SNRPN: variants seen among roughly 807,000 people sequenced by gnomAD.
SNRPN encodes small nuclear ribonucleoprotein-associated protein N.
SNRPN carries 7 observed loss-of-function variants against 25.2 expected under a neutral mutation model. That is an observed-to-expected ratio of 0.28 (90% CI 0.16 to 0.52). The LOEUF is 0.52. Ranked by LOEUF, SNRPN falls within the 20% of genes least tolerant of loss-of-function variation. SNRPN has a pLI of 0.96. For synonymous variants in SNRPN, 124 were observed against 110.6 expected, an observed-to-expected ratio of 1.12 and a Z score of -0.76; for missense variants, 196 against 322.5, an observed-to-expected ratio of 0.61 and a Z score of 3.00.
In SNRPN at chr15:24,842,984, G is replaced by A. The variant is rs76787051; in HGVS notation, c.-579+13079G>A. Among the ~76,000 whole-genome samples the A allele has an allele frequency of 3.5e-3, 539 of 152,136 alleles. 22 individuals are homozygous for A. In the East Asian group the frequency reaches 0.081, roughly 23 times the overall value. ...TATGTAATCTTTCAGTAACACTTTC[G>A]AGATATGTCATGTTTACTGTATCAA... On this transcript the variant is annotated intron_variant, in intron 2 of 12. Coordinates refer to the SNRPN transcript ENST00000400100.
chr15:24,946,632 G>C (rs1246332663), intron 3 of SNRPN, among the ~76,000 whole-genome samples: 1 of 152,066 alleles, frequency 6.6e-6, no homozygotes, highest in Non-Finnish European at 1.5e-5. Context: ...ACCATGCCCA[G>C]CTAATTTTTG....
intron 2 of SNRPN, among the ~76,000 whole-genome samples, chr15:24,962,428 G>A (rs186545162): frequency 2.0e-4 from 30 of 152,056 alleles, no homozygotes; most frequent in African/African-American, 6.7e-4. Context: ...TTTCCTATAC[G>A]TGGGTAAGTG....
intron 1 of SNRPN, among the ~76,000 whole-genome samples, chr15:24,865,640 C>T (rs1245264240): frequency 1.3e-5 from 2 of 152,126 alleles, no homozygotes; most frequent in African/African-American, 4.8e-5. Flanking sequence ...AAAGATAAAC[C>T]TCCTGTCAGT....
upstream of SNRPN, chr15:24,954,954 T>G: frequency 6.4e-7 from 1 of 1,570,794 alleles, no homozygotes. Context: ...CGGGGATGTG[T>G]GCGAAGCCTG....
intron 1 of SNRPN, among the ~76,000 whole-genome samples, chr15:24,957,539 G>C (rs1366341878): frequency 6.6e-6 from 1 of 152,094 alleles, no homozygotes; most frequent in African/African-American, 2.4e-5. Context: ...GTCTTCCTTT[G>C]CAGGATTTTC....
intron 1 of SNRPN, among the ~76,000 whole-genome samples, chr15:24,826,604 A>G (rs1025962409): frequency 6.6e-6 from 1 of 152,146 alleles, no homozygotes; most frequent in African/African-American, 2.4e-5. Context: ...TCTAGTTGGC[A>G]ATACAAAGGA....
In SNRPN at chr15:24,939,704, A is replaced by G. The variant is rs531945134; in HGVS notation, c.-391+19580A>G. Among the ~76,000 whole-genome samples the G allele has an allele frequency of 1.1e-4, 16 of 149,702 alleles. No individual in the cohort carries two copies. The South Asian group carries it at 2.5e-3, about 24-fold the overall frequency. On this transcript the variant is annotated intron_variant, in intron 3 of 11. Transcript: ENST00000400097. ...CACCTCGGCCTCCCAAAGTACTGGG[A>G]TTACAGGCGTGAGCCGCTGCACCTG... is the stretch of plus-strand genomic sequence containing the variant.
At chr15:24,839,678 C>T (rs1000073488) in intron 2 of SNRPN, among the ~76,000 whole-genome samples, 2 of 152,112 alleles carry the variant, frequency 1.3e-5, no homozygotes, top group Non-Finnish European at 2.9e-5. Flanking sequence ...CAACCACAGC[C>T]TAACAGACCC....
chr15:24,901,114 G>A (rs2151448994), intron 2 of SNRPN, among the ~76,000 whole-genome samples: 1 of 152,134 alleles, frequency 6.6e-6, no homozygotes, highest in East Asian at 1.9e-4. Context: ...AACAAAAAAA[G>A]ATTTATTTTG....
chr15:24,954,995 G>T lies in SNRPN; in HGVS notation c.-458G>T. ...GCTGCAGCGAGTCTGGCGCAGAGTGGAGCGGCCGCCGGAGATGCCTGACGC... is the reference window on the plus strand; with the variant it reads ...GCTGCAGCGAGTCTGGCGCAGAGTGTAGCGGCCGCCGGAGATGCCTGACGC... On this transcript the variant is annotated 5_prime_UTR_variant, in exon 1 of 10. Transcript: ENST00000390687. The T allele has an allele frequency of 6.2e-7, 1 of 1,610,194 alleles. No individual in the cohort carries two copies. The highest frequency in any genetic ancestry group is 8.5e-7 in the Non-Finnish European group (1 of 1,179,264).
intron 2 of SNRPN, among the ~76,000 whole-genome samples, chr15:24,832,746 C>G (rs1488793819): frequency 6.6e-6 from 1 of 151,932 alleles, no homozygotes; most frequent in Admixed American, 6.6e-5. Flanking sequence ...GTGGAGCAAG[C>G]TGGCAGTTAG....
chr15:24,938,290 C>T (rs936894586), intron 3 of SNRPN, among the ~76,000 whole-genome samples: 4 of 152,034 alleles, frequency 2.6e-5, no homozygotes, highest in Admixed American at 2.0e-4. Context: ...ACACACCAGG[C>T]GAACTTTTTA....
chr15:24,938,866 C>T (rs2061392312), intron 3 of SNRPN, among the ~76,000 whole-genome samples: 1 of 152,060 alleles, frequency 6.6e-6, no homozygotes, highest in Admixed American at 6.6e-5. Context: ...CGAGAGTTAG[C>T]TAAGGAGTTG....
intron 2 of SNRPN, among the ~76,000 whole-genome samples, chr15:24,916,709 C>T (rs964324820): frequency 5.3e-5 from 8 of 152,068 alleles, no homozygotes; most frequent in African/African-American, 7.2e-5. Context: ...GGAAGTAGTA[C>T]GCTCGTGTTT....
At chr15:24,923,920 A>T (rs4105376) in intron 3 of SNRPN, among the ~76,000 whole-genome samples, 62,956 of 87,414 alleles carry the variant, frequency 0.72, 20,090 homozygotes, top group South Asian at 0.74. Context: ...TGTGTATATA[A>T]ACATTTTTTT....
intron 2 of SNRPN, among the ~76,000 whole-genome samples, chr15:24,967,485 C>CA (rs2075810364): frequency 6.6e-6 from 1 of 151,816 alleles, no homozygotes; most frequent in East Asian, 2.0e-4. Context: ...ACTAAAAATA[C>CA]AAAAAAATTA....
chr15:24,915,967 A>ATTT (rs2059488712), intron 2 of SNRPN, among the ~76,000 whole-genome samples: 2 of 103,294 alleles, frequency 1.9e-5, no homozygotes, highest in African/African-American at 7.1e-5. Context: ...GGCCAGGTTG[A>ATTT]CTTTTTTTTT....
chr15:24,838,060 A>G, intron 2 of SNRPN, among the ~76,000 whole-genome samples: 1 of 136,150 alleles, frequency 7.3e-6, no homozygotes, highest in African/African-American at 2.8e-5. Flanking sequence ...TTTGAGACGG[A>G]GTCTCGCTCT....
At chr15:24,860,742 CAGAAAG>C (rs1380025971) in intron 1 of SNRPN, among the ~76,000 whole-genome samples, 2 of 152,088 alleles carry the variant, frequency 1.3e-5, no homozygotes, top group African/African-American at 4.8e-5. Context: ...AACAGAAAAA[CAGAAAG>C]ATTGGACACT....
Sources: allele counts gnomAD v4.1 joint callset (sites outside exome capture counted in the v4.1 genomes callset), GRCh38; gene constraint gnomAD v4.1.1; transcripts MANE v1.5; gene names NCBI Gene and HGNC (gene_info 2026-07-23, HGNC 2026-07-21).